Variants in MAK observed in about 807,000 individuals in gnomAD.
The protein encoded by MAK is male germ cell associated kinase.
In MAK, 65 loss-of-function variants were observed where a neutral mutation model predicts 82.6. The ratio of observed to expected loss-of-function variants is 0.79; its 90% CI spans 0.64 to 0.97. The LOEUF is 0.97. MAK is among the 50% of genes least tolerant of loss of function. The pLI, the probability that MAK is intolerant of heterozygous loss-of-function variation, is 0.00. For synonymous variants in MAK, 250 were observed against 274.2 expected, an observed-to-expected ratio of 0.91 and a Z score of 0.87; for missense variants, 703 against 780.2, an observed-to-expected ratio of 0.90 and a Z score of 1.18.
intron 11 of MAK, among the ~76,000 whole-genome samples, chr6:10,783,838 G>A (rs551282940): frequency 6.6e-6 from 1 of 152,282 alleles, no homozygotes; most frequent in East Asian, 1.9e-4. Flanking sequence ...GGCTAACACG[G>A]TGAAACACCA....
At position 10,791,690 on chromosome 6, in the gene MAK, T is replaced by C. The variant is rs1369394658; in HGVS notation, c.1301A>G (p.Lys434Arg). 3 of 1,612,688 alleles carry C rather than the reference T, an allele frequency of 1.9e-6. No homozygotes were observed. The highest frequency in any genetic ancestry group is 2.5e-6 in the Non-Finnish European group (3 of 1,179,704). The change falls in exon 10 of 15, where the codon AAA becomes AGA. Residue 434 changes from lysine (K) to arginine (R), a missense_variant. By Grantham distance (26) the Lys-to-Arg change is conservative. Transcript: ENST00000354489. ...GAAATCTTACCGAAATGGAGAATCT[T>C]TTTTCCTTTTTTCTTTAAAAACACC... ...SMGVFKEKRK[K>R]DSPFRLPEPV...
intron 12 of MAK, 100 bp from the exon 13 acceptor site, chr6:10,773,208 A>G: frequency 1.5e-6 from 1 of 649,974 alleles, no homozygotes; most frequent in Non-Finnish European, 2.4e-6. Flanking sequence ...AAGATCCAGA[A>G]AGAGCCCTTA....
At position 10,813,352 on chromosome 6, in the gene MAK, C is replaced by T. The variant is rs376615285; in HGVS notation, c.358+292G>A. ...TTTTTTAACAGAGACAGGGTTTCACCATGTTGGCCAGGCTGGTCTCAAACT... is the reference window on the plus strand; with the variant it reads ...TTTTTTAACAGAGACAGGGTTTCACTATGTTGGCCAGGCTGGTCTCAAACT... On this transcript the variant is annotated intron_variant, in intron 5 of 14. Transcript: ENST00000354489. Among the ~76,000 whole-genome samples the T allele has an allele frequency of 8.0e-5, 12 of 149,804 alleles. No homozygotes were observed. In the East Asian group the frequency reaches 1.8e-3, roughly 22 times the overall value.
chr6:10,781,928 C>T (rs1774004543), intron 11 of MAK, among the ~76,000 whole-genome samples: 1 of 151,852 alleles, frequency 6.6e-6, no homozygotes, highest in African/African-American at 2.4e-5. Context: ...TATTATAGGG[C>T]TGGGTGTTGT....
rs771009179 is a variant in MAK at position 10,813,707 on chromosome 6, C to G, written c.295G>C (p.Glu99Gln). The G allele has an allele frequency of 4.4e-6, 7 of 1,595,878 alleles. No homozygotes were observed. In the South Asian group the frequency reaches 7.7e-5, roughly 18 times the overall value. Residue 99 changes from glutamate to glutamine, a missense_variant, in exon 5 of 15, where the codon GAA becomes CAA. Physicochemically the swap from Glu to Gln is conservative, Grantham distance 29 (BLOSUM62 2). Transcript: ENST00000354489. ...TACATAATATTTCTGATGACTGATT[C>G]AGGGAACAACTTGTTTCTGTAAAGA... ...LMKDRNKLFP[E>Q]SVIRNIMYQI...
chr6:10,789,441 G>T (rs1246886489), intron 10 of MAK, among the ~76,000 whole-genome samples: 1 of 152,078 alleles, frequency 6.6e-6, no homozygotes, highest in Non-Finnish European at 1.5e-5. Context: ...CATTACGTGT[G>T]GGGGATATGT....
At chr6:10,833,048 G>T (rs150676347) in intron 1 of MAK, among the ~76,000 whole-genome samples, 1 of 152,130 alleles carries the variant, frequency 6.6e-6, no homozygotes, top group South Asian at 2.1e-4. Context: ...TTCATTCAAA[G>T]AATATTTTTC....
chr6:10,794,768 G>A (rs1230149764), intron 9 of MAK, among the ~76,000 whole-genome samples: 1 of 152,134 alleles, frequency 6.6e-6, no homozygotes. Context: ...CAAGGAGGGT[G>A]GATCACCTGA....
chr6:10,811,085 G>T (rs140893098), intron 5 of MAK, among the ~76,000 whole-genome samples: 8 of 152,100 alleles, frequency 5.3e-5, no homozygotes, highest in African/African-American at 1.9e-4. Context: ...TGTAATCTCC[G>T]CCTCCCGGGT....
In MAK at chr6:10,828,311, G is replaced by A. The variant is rs1778533138; in HGVS notation, c.101+2237C>T. ...GGTTCTGGTGGAAGTCAACTGCCATGTCCCGAGGCTATTCAAACAACCCTC... is the reference window on the plus strand; with the variant it reads ...GGTTCTGGTGGAAGTCAACTGCCATATCCCGAGGCTATTCAAACAACCCTC... On this transcript the variant is annotated intron_variant, in intron 2 of 14. Transcript: ENST00000354489. Among the ~76,000 whole-genome samples, 3 of 152,122 alleles carry A rather than the reference G, an allele frequency of 2.0e-5. No homozygotes were observed. The South Asian group carries it at 6.2e-4, about 32-fold the overall frequency.
At position 10,781,400 on chromosome 6, in the gene MAK, A is replaced by C. The variant is rs553332485; in HGVS notation, c.1465+3024T>G. On this transcript the variant is annotated intron_variant, in intron 11 of 14. Coordinates refer to ENST00000354489, the MANE Select transcript of MAK (RefSeq NM_001242957.3). ...TTTGACCTCGTGAGGAAGAAAATAC[A>C]GACTTCAAGGTCAAAAGTAGATTTT... Among the ~76,000 whole-genome samples, 14 of 152,084 alleles carry C rather than the reference A, an allele frequency of 9.2e-5. No individual in the cohort carries two copies. The South Asian group carries it at 1.5e-3, about 16-fold the overall frequency.
At chr6:10,801,685 T>C (rs1458092245) in intron 8 of MAK, among the ~76,000 whole-genome samples, 2 of 152,164 alleles carry the variant, frequency 1.3e-5, no homozygotes, top group Admixed American at 1.3e-4. Context: ...ACTCAGAAAA[T>C]CATTGGTGTG....
chr6:10,780,355 A>T, intron 11 of MAK: 2 of 429,942 alleles, frequency 4.7e-6, no homozygotes, highest in Non-Finnish European at 6.2e-6. Context: ...CAAAGGATAA[A>T]TATCCTTTGA....
At chr6:10,773,310 A>G (rs1369625795) in intron 12 of MAK, among the ~76,000 whole-genome samples, 2 of 152,186 alleles carry the variant, frequency 1.3e-5, no homozygotes, top group Non-Finnish European at 2.9e-5. Flanking sequence ...ACTGTCATTT[A>G]ATTGAATTTG....
rs1171616235 is a variant in MAK, at chr6:10,815,945, T to TATATATATATATAA, written c.278+1904_278+1905insTTATATATATATAT. On this transcript the variant is annotated intron_variant, in intron 4 of 14. Transcript: ENST00000354489. ...ATATATATATATATATATATATATA[T>TATATATATATATAA]ATGTATGTTTTCTTTTTTGTTTGAG... Among the ~76,000 whole-genome samples, 116 of 116,832 alleles carry TATATATATATATAA rather than the reference T, an allele frequency of 9.9e-4. 6 individuals are homozygous for TATATATATATATAA. Among genetic ancestry groups the TATATATATATATAA allele is most frequent in the African/African-American group, 3.8e-3 (101 of 26,594 alleles). The allele number at this position is 116,832 out of a possible 152,430, so 76.6% of individuals were successfully genotyped here.
chr6:10,796,227 T>C lies in MAK; in HGVS notation c.914A>G (p.Lys305Arg), dbSNP rs1775545998. Residue 305 changes from lysine to arginine, a missense_variant, in exon 9 of 15, where the codon AAG (lysine) becomes AGG (arginine). Transcript: ENST00000354489. ...CTTTGATTCTAATGGTTGCAGCTGCTTATTTAAAGACTGTTTTGATTCCAG... is the reference window on the plus strand; with the variant it reads ...CTTTGATTCTAATGGTTGCAGCTGCCTATTTAAAGACTGTTTTGATTCCAG... ...NHLESKQSLN[K>R]QLQPLESKPS... 6.2e-7 allele frequency: 1 copy of C among 1,614,080 alleles called. No individual in the cohort carries two copies. Among genetic ancestry groups the C allele is most frequent in the African/African-American group, 1.3e-5 (1 of 74,924 alleles).
Position 10,796,041 on chromosome 6 carries a change from G to C in MAK, c.1100C>G (p.Pro367Arg), listed in dbSNP as rs776680313. The change falls in exon 9 of 15, where the codon CCG becomes CGG. Residue 367 changes from proline to arginine, a missense_variant. Coordinates refer to ENST00000354489, the MANE Select transcript of MAK (RefSeq NM_001242957.3). The stretch of plus-strand genomic sequence containing the variant: ...GATGCTCGGGAATAGCGTTTGTGGC[G>C]GTTTCTCCTGACTCTGTTGCTTTGG... Reference protein sequence around the residue: ...QPPKQQSQEKPPQTLFPSIVK... With the variant: ...QPPKQQSQEKRPQTLFPSIVK... 3 of 1,613,962 alleles carry C rather than the reference G, an allele frequency of 1.9e-6. No individual in the cohort carries two copies. The African/African-American group carries it at 4.0e-5, about 22-fold the overall frequency.
At chr6:10,794,741 C>G (rs1338981446) in intron 9 of MAK, among the ~76,000 whole-genome samples, 25 of 152,296 alleles carry the variant, frequency 1.6e-4, no homozygotes, top group African/African-American at 6.0e-4. Flanking sequence ...GCCTGTAATC[C>G]AAGCACTTTG....
intron 14 of MAK, among the ~76,000 whole-genome samples, chr6:10,764,905 C>T (rs968412826): frequency 6.6e-6 from 1 of 151,926 alleles, no homozygotes; most frequent in Non-Finnish European, 1.5e-5. Context: ...CCAGCCTGGC[C>T]AACATGGTGA....
Sources: allele counts gnomAD v4.1 joint callset (sites outside exome capture counted in the v4.1 genomes callset), GRCh38; gene constraint gnomAD v4.1.1; transcripts MANE v1.5; gene names NCBI Gene and HGNC (gene_info 2026-07-23, HGNC 2026-07-21).